Variants in NPFFR2 observed in about 807,000 individuals in gnomAD.
NPFFR2 encodes the protein neuropeptide FF receptor 2.
NPFFR2 carries 15 observed loss-of-function variants against 13.1 expected under a neutral mutation model. The observed-to-expected ratio is 1.15, with a 90% CI of 0.77 to 1.76. The LOEUF (loss-of-function observed/expected upper bound fraction) is 1.76, where lower values mean the gene tolerates loss of function less well. Among genes scored for constraint, NPFFR2 ranks in the 40% most tolerant of loss-of-function variants. The pLI is 0.00. For synonymous variants in NPFFR2, 190 were observed against 175.7 expected (o/e 1.08, Z -0.65); for missense variants, 572 against 503.5 (o/e 1.14, Z -1.30).
At chr4:72,068,785 G>A (rs907048905) in intron 1 of NPFFR2, 13 of 355,670 alleles carry the variant, frequency 3.7e-5, no homozygotes, top group Admixed American at 2.8e-4. Flanking sequence ...CTATGCTAGA[G>A]AATAGAACTT....
At chr4:72,078,869 AT>A (rs1720518357) in intron 1 of NPFFR2, among the ~76,000 whole-genome samples, 1 of 152,134 alleles carries the variant, frequency 6.6e-6, no homozygotes, top group South Asian at 2.1e-4. Context: ...TTTATATAAC[AT>A]TTTAAAATGA....
intron 2 of NPFFR2, among the ~76,000 whole-genome samples, chr4:72,134,720 T>C (rs1722353457): frequency 6.6e-6 from 1 of 152,208 alleles, no homozygotes; most frequent in Non-Finnish European, 1.5e-5. Flanking sequence ...TGTTACTCTC[T>C]TGTCAATACC....
chr4:72,111,616 C>A (rs1198782456), intron 1 of NPFFR2, among the ~76,000 whole-genome samples: 2 of 151,994 alleles, frequency 1.3e-5, no homozygotes, highest in Non-Finnish European at 2.9e-5. Context: ...TCCTGGAATT[C>A]TGTATTGTTT....
At chr4:72,126,676 C>G (rs1722051486) in intron 1 of NPFFR2, among the ~76,000 whole-genome samples, 1 of 152,148 alleles carries the variant, frequency 6.6e-6, no homozygotes, top group South Asian at 2.1e-4. Context: ...TTGATATATG[C>G]TAGGAAGAAG....
intron 3 of NPFFR2, among the ~76,000 whole-genome samples, chr4:72,143,110 A>T (rs1270246884): frequency 6.6e-6 from 1 of 152,180 alleles, no homozygotes; most frequent in African/African-American, 2.4e-5. Context: ...CCTTAAGACA[A>T]GTATATACTT....
At chr4:72,103,606 G>A (rs1313001199) in intron 1 of NPFFR2, among the ~76,000 whole-genome samples, 1 of 151,898 alleles carries the variant, frequency 6.6e-6, no homozygotes, top group Non-Finnish European at 1.5e-5. Context: ...CTTCATTGGA[G>A]TCCAATATTG....
chr4:72,131,445 G>A (rs558408345), intron 2 of NPFFR2, among the ~76,000 whole-genome samples: 1 of 120,276 alleles, frequency 8.3e-6, no homozygotes, highest in Non-Finnish European at 1.6e-5. Context: ...GGGGACTGTT[G>A]TGGGGTGGGG....
chr4:72,072,696 A>G (rs1332972337), intron 1 of NPFFR2, among the ~76,000 whole-genome samples: 2 of 152,156 alleles, frequency 1.3e-5, no homozygotes, highest in Admixed American at 1.3e-4. Flanking sequence ...AATGAAAGAT[A>G]TGGAAATAAA....
chr4:72,073,137 A>C (rs371153982), intron 1 of NPFFR2, among the ~76,000 whole-genome samples: 36 of 152,160 alleles, frequency 2.4e-4, no homozygotes, highest in African/African-American at 8.4e-4. Context: ...ACAAAGAAAC[A>C]ACATGTCAAC....
At chr4:72,032,435 G>A (rs1718950050) in intron 1 of NPFFR2, among the ~76,000 whole-genome samples, 1 of 152,234 alleles carries the variant, frequency 6.6e-6, no homozygotes. Context: ...TGCAGAGCAG[G>A]GACCTGGTCA....
At chr4:72,071,822 C>T (rs1272051075) in intron 1 of NPFFR2, among the ~76,000 whole-genome samples, 5 of 152,142 alleles carry the variant, frequency 3.3e-5, no homozygotes, top group Non-Finnish European at 5.9e-5. Flanking sequence ...AGCCCTTCCC[C>T]TTCTGACTGA....
intron 1 of NPFFR2, among the ~76,000 whole-genome samples, chr4:72,081,984 G>T (rs566324404): frequency 6.6e-6 from 1 of 152,238 alleles, no homozygotes; most frequent in African/African-American, 2.4e-5. Context: ...AAGACACAGG[G>T]ATATTCTAAG....
At chr4:72,146,264 T>A (rs888065701) in intron 3 of NPFFR2, among the ~76,000 whole-genome samples, 2 of 152,206 alleles carry the variant, frequency 1.3e-5, no homozygotes, top group African/African-American at 4.8e-5. Context: ...ACATCCAAAA[T>A]GGCTAAGCTC....
intron 1 of NPFFR2, among the ~76,000 whole-genome samples, chr4:72,117,754 C>G (rs562826825): frequency 7.9e-5 from 12 of 152,244 alleles, no homozygotes; most frequent in African/African-American, 2.2e-4. Flanking sequence ...GTGATTCTGG[C>G]CCTTTACCAC....
chr4:72,145,362 G>A (rs1335533052), intron 3 of NPFFR2, among the ~76,000 whole-genome samples: 1 of 149,928 alleles, frequency 6.7e-6, no homozygotes, highest in Non-Finnish European at 1.5e-5. Context: ...TTTTATATTT[G>A]TTCATTATTA....
At chr4:72,067,852 T>C (rs1008147836) in intron 1 of NPFFR2, among the ~76,000 whole-genome samples, 1 of 152,214 alleles carries the variant, frequency 6.6e-6, no homozygotes, top group Non-Finnish European at 1.5e-5. Context: ...CTTATTTCCA[T>C]CTGAGACTTC....
At chr4:72,061,603 G>A (rs1447240581) in intron 1 of NPFFR2, among the ~76,000 whole-genome samples, 1 of 152,092 alleles carries the variant, frequency 6.6e-6, no homozygotes, top group Non-Finnish European at 1.5e-5. Context: ...TATACTATAT[G>A]ATAATGCCTG....
intron 1 of NPFFR2, among the ~76,000 whole-genome samples, chr4:72,082,214 T>C (rs1560405547): frequency 6.6e-6 from 1 of 152,182 alleles, no homozygotes; most frequent in Non-Finnish European, 1.5e-5. Context: ...GAACCTGATG[T>C]AGAGACATCA....
intron 1 of NPFFR2, among the ~76,000 whole-genome samples, chr4:72,127,608 C>T: frequency 1.3e-5 from 2 of 150,192 alleles, no homozygotes; most frequent in African/African-American, 2.4e-5. Flanking sequence ...CGTGATCCGC[C>T]CGCCTCGGCC....
Sources: allele counts gnomAD v4.1 joint callset (sites outside exome capture counted in the v4.1 genomes callset), GRCh38; gene constraint gnomAD v4.1.1; transcripts MANE v1.5; gene names NCBI Gene and HGNC (gene_info 2026-07-23, HGNC 2026-07-21).